IGSF21: variants seen among roughly 807,000 people sequenced by gnomAD.
The protein encoded by IGSF21 is immunoglobulin superfamily member 21.
In IGSF21, 28 loss-of-function variants were observed where a neutral mutation model predicts 46.8. The observed-to-expected ratio is 0.60, with a 90% CI of 0.44 to 0.82. IGSF21 has a LOEUF of 0.82. IGSF21 is among the 40% of genes least tolerant of loss of function. The pLI is 0.00. For missense variants in IGSF21, 624 were observed against 665.5 expected (o/e 0.94, Z 0.69); for synonymous variants, 284 against 273.6 (o/e 1.04, Z -0.38).
At chr1:18,312,727 A>G (rs985300244) in intron 3 of IGSF21, among the ~76,000 whole-genome samples, 15 of 152,200 alleles carry the variant, frequency 9.9e-5, no homozygotes, top group African/African-American at 3.6e-4. Context: ...GTCCAGGATA[A>G]TCTTCCCCAT....
intron 2 of IGSF21, among the ~76,000 whole-genome samples, chr1:18,259,431 A>C (rs1006477218): frequency 2.6e-5 from 4 of 152,174 alleles, no homozygotes; most frequent in African/African-American, 9.6e-5. Flanking sequence ...GAACAAATCA[A>C]GGTCATTCAT....
intron 3 of IGSF21, among the ~76,000 whole-genome samples, chr1:18,311,562 A>G (rs888370132): frequency 4.6e-5 from 7 of 152,204 alleles, no homozygotes; most frequent in African/African-American, 1.7e-4. Context: ...TCCAGGAGGA[A>G]GCCCAGTGTC....
intron 4 of IGSF21, among the ~76,000 whole-genome samples, chr1:18,336,317 G>T (rs1462603470): frequency 6.6e-6 from 1 of 152,124 alleles, no homozygotes; most frequent in East Asian, 1.9e-4. Context: ...CATAGGGAGG[G>T]GACTCAGGGA....
intron 3 of IGSF21, among the ~76,000 whole-genome samples, chr1:18,297,661 T>A (rs1462971277): frequency 6.6e-6 from 1 of 152,060 alleles, no homozygotes; most frequent in African/African-American, 2.4e-5. Context: ...GTCCCACATA[T>A]AAAATGGCAC....
At position 18,330,529 on chromosome 1, in the gene IGSF21, A is replaced by G. The variant is rs573501958; in HGVS notation, c.306-4363A>G. On this transcript the variant is annotated intron_variant, in intron 3 of 9. Transcript: ENST00000251296. ...AAGGGGCAGGGGCGAGAGAGAAGGG[A>G]AGGTGGGAGACATGGCTGGAGGAAG... Among the ~76,000 whole-genome samples the G allele has an allele frequency of 2.0e-5, 3 of 151,178 alleles. No individual in the cohort carries two copies. The East Asian group carries it at 5.8e-4, about 29-fold the overall frequency.
intron 1 of IGSF21, among the ~76,000 whole-genome samples, chr1:18,176,825 T>C (rs2086803915): frequency 6.6e-6 from 1 of 152,188 alleles, no homozygotes; most frequent in African/African-American, 2.4e-5. Flanking sequence ...CCTTGGGGAT[T>C]AGGGGGCTTT....
At chr1:18,179,728 GC>G (rs1557574801) in intron 1 of IGSF21, among the ~76,000 whole-genome samples, 3 of 152,136 alleles carry the variant, frequency 2.0e-5, no homozygotes, top group Non-Finnish European at 4.4e-5. Flanking sequence ...CCAGGGGATG[GC>G]AGAGCCACCC....
chr1:18,243,196 C>T (rs1015717658), intron 2 of IGSF21, among the ~76,000 whole-genome samples: 1 of 152,194 alleles, frequency 6.6e-6, no homozygotes, highest in Non-Finnish European at 1.5e-5. Flanking sequence ...GGACCCCTCC[C>T]TAGAGATGTC....
chr1:18,193,023 C>T (rs1329316085), intron 1 of IGSF21, among the ~76,000 whole-genome samples: 3 of 151,776 alleles, frequency 2.0e-5, no homozygotes, highest in East Asian at 3.9e-4. Context: ...AGGTAGCAAC[C>T]CCCAAGCAGA....
intron 1 of IGSF21, among the ~76,000 whole-genome samples, chr1:18,178,385 G>A (rs2086824401): frequency 6.6e-6 from 1 of 152,062 alleles, no homozygotes; most frequent in African/African-American, 2.4e-5. Flanking sequence ...TTCTTCCTGA[G>A]TTGAAATCCC....
At chr1:18,157,700 G>C (rs2086580842) in intron 1 of IGSF21, among the ~76,000 whole-genome samples, 1 of 152,198 alleles carries the variant, frequency 6.6e-6, no homozygotes, top group Non-Finnish European at 1.5e-5. Flanking sequence ...CTATTTTGCA[G>C]ATGAGGAAAT....
chr1:18,257,775 AG>A (rs2084905608), intron 2 of IGSF21, among the ~76,000 whole-genome samples: 1 of 152,292 alleles, frequency 6.6e-6, no homozygotes, highest in Admixed American at 6.5e-5. Flanking sequence ...GGGGGCTGGA[AG>A]AATAGTCAAG....
At position 18,365,726 on chromosome 1, in the gene IGSF21, A is replaced by C. The variant is rs1430500094; in HGVS notation, c.1015+29A>C. On this transcript the variant is annotated intron_variant, in intron 6 of 9. Transcript: ENST00000251296. The surrounding 1 kb of genome is among the most constrained non-coding windows in gnomAD (Gnocchi z 4.8). Reference sequence around the variant, plus strand: ...AGACTTGGTGGGGGCCCTTCTGTAGAGCCCTTGCAGACCTGGGTGTGGGGA... The same window carrying C: ...AGACTTGGTGGGGGCCCTTCTGTAGCGCCCTTGCAGACCTGGGTGTGGGGA... 5 of 1,556,394 alleles carry C rather than the reference A, an allele frequency of 3.2e-6. No individual in the cohort carries two copies. The African/African-American group carries it at 4.1e-5, about 13-fold the overall frequency.
chr1:18,134,219 G>GC (rs1211580051), intron 1 of IGSF21, among the ~76,000 whole-genome samples: 4 of 152,086 alleles, frequency 2.6e-5, no homozygotes, highest in Non-Finnish European at 5.9e-5. Context: ...CTCCTCTGTG[G>GC]CCTTCCCATT....
chr1:18,199,372 T>C (rs1433433805), intron 1 of IGSF21, among the ~76,000 whole-genome samples: 1 of 152,180 alleles, frequency 6.6e-6, no homozygotes, highest in Non-Finnish European at 1.5e-5. Flanking sequence ...AGACAAAAGA[T>C]GCACCTGGCT....
chr1:18,202,729 G>C (rs1249668985), intron 1 of IGSF21, among the ~76,000 whole-genome samples: 1 of 152,178 alleles, frequency 6.6e-6, no homozygotes, highest in Non-Finnish European at 1.5e-5. Flanking sequence ...TTGATACGTG[G>C]GGATTACAGG....
At chr1:18,177,397 G>GGTCGTT (rs1557573388) in intron 1 of IGSF21, among the ~76,000 whole-genome samples, 1 of 32,482 alleles carries the variant, frequency 3.1e-5, no homozygotes, top group African/African-American at 1.2e-4. Context: ...AGTGAGGTGT[G>GGTCGTT]TGTGTGTGTG....
chr1:18,273,804 G>A (rs1041445825), intron 2 of IGSF21, among the ~76,000 whole-genome samples: 1 of 152,024 alleles, frequency 6.6e-6, no homozygotes, highest in Admixed American at 6.6e-5. Flanking sequence ...GACGAGGTGG[G>A]AGGGAAAACA....
chr1:18,367,137 C>G (rs964021798), intron 6 of IGSF21, among the ~76,000 whole-genome samples: 2 of 152,188 alleles, frequency 1.3e-5, no homozygotes, highest in Non-Finnish European at 2.9e-5. Flanking sequence ...GCCTCTAACC[C>G]AGGCCACTCA....
Sources: gnomAD v4.1 joint callset for allele counts (sites outside exome capture counted in the v4.1 genomes callset) on GRCh38, gnomAD v4.1.1 for gene constraint, Gnocchi (gnomAD v3.1) non-coding constraint, MANE v1.5 for transcripts, NCBI Gene and HGNC (gene_info 2026-07-23, HGNC 2026-07-21) for gene names.